The following DIAPH3 variants were observed in gnomAD, a reference collection of about 807,000 sequenced individuals.
The protein encoded by DIAPH3 is protein diaphanous homolog 3.
A neutral mutation model predicts 144.3 loss-of-function variants in DIAPH3; 117 were observed. That is an observed-to-expected ratio of 0.81 (90% CI 0.70 to 0.95). DIAPH3 has a LOEUF of 0.95. Among genes scored for constraint, DIAPH3 ranks in the 40% least tolerant of loss-of-function variants. DIAPH3 has a pLI of 0.00. For missense variants in DIAPH3, 1,421 were observed against 1,412.7 expected (o/e 1.01, Z -0.09); for synonymous variants, 519 against 488.9 (o/e 1.06, Z -0.81).
At chr13:59,780,545 T>G (rs560761247) in intron 25 of DIAPH3, among the ~76,000 whole-genome samples, 2 of 152,182 alleles carry the variant, frequency 1.3e-5, no homozygotes, top group Admixed American at 1.3e-4. Context: ...CTAGACTAAC[T>G]GCAAAAGTCA....
chr13:59,972,938 A>G (rs2050474365), intron 15 of DIAPH3, among the ~76,000 whole-genome samples: 1 of 152,330 alleles, frequency 6.6e-6, no homozygotes, highest in South Asian at 2.1e-4. Flanking sequence ...GCTTTGAACA[A>G]AAAGAAGGAT....
intron 17 of DIAPH3, among the ~76,000 whole-genome samples, chr13:59,939,293 C>A (rs2140370982): frequency 6.6e-6 from 1 of 152,220 alleles, no homozygotes; most frequent in East Asian, 1.9e-4. Flanking sequence ...TTCTCTTCTA[C>A]CTCTCACCCA....
intron 20 of DIAPH3, among the ~76,000 whole-genome samples, chr13:59,895,202 A>C (rs773106837): frequency 1.3e-5 from 2 of 152,156 alleles, no homozygotes; most frequent in Non-Finnish European, 1.5e-5. Flanking sequence ...CCTTGGACAA[A>C]TATAGTAAAT....
At position 59,756,409 on chromosome 13, in the gene DIAPH3, A is replaced by AAAGGAAGGAAGGAAGG. The variant is rs762777029; in HGVS notation, c.3319+17764_3319+17779dup. 2.7e-3 allele frequency among the ~76,000 whole-genome samples: 369 copies of AAAGGAAGGAAGGAAGG among 137,626 alleles called. 1 individual carries two copies. The highest frequency in any genetic ancestry group is 0.021 in the South Asian group (88 of 4,112). The allele number at this position is 137,626 out of a possible 152,430, so 90.3% of individuals were successfully genotyped here. On this transcript the variant is annotated intron_variant, in intron 27 of 27. Transcript: ENST00000400324. ...TAGATACATGTGGTAAATTTAGTAA[A>AAAGGAAGGAAGGAAGG]AAGGAAGGAAGGAAGGAAGGAAGGA...
intron 4 of DIAPH3, among the ~76,000 whole-genome samples, chr13:60,049,938 C>A (rs901770509): frequency 6.6e-6 from 1 of 152,196 alleles, no homozygotes; most frequent in African/African-American, 2.4e-5. Flanking sequence ...GCCTGTAATT[C>A]CGGCAACTTG....
intron 24 of DIAPH3, among the ~76,000 whole-genome samples, chr13:59,825,174 C>T (rs1345051626): frequency 2.0e-5 from 3 of 152,064 alleles, no homozygotes; most frequent in African/African-American, 2.4e-5. Context: ...TCTCCTAATG[C>T]TATCCCTCCC....
intron 20 of DIAPH3, among the ~76,000 whole-genome samples, chr13:59,887,089 GT>G (rs1593837628): frequency 6.6e-6 from 1 of 151,982 alleles, no homozygotes; most frequent in East Asian, 1.9e-4. Flanking sequence ...AGTTTGTTGA[GT>G]TTTTTCATAA....
intron 2 of DIAPH3, among the ~76,000 whole-genome samples, chr13:60,117,975 ATTTGCC>A (rs766358868): frequency 6.6e-6 from 1 of 152,170 alleles, no homozygotes; most frequent in Non-Finnish European, 1.5e-5. Context: ...TATACAAACA[ATTTGCC>A]TTTGTTGAAG....
At chr13:59,877,427 G>A (rs545114512) in intron 21 of DIAPH3, among the ~76,000 whole-genome samples, 7 of 152,046 alleles carry the variant, frequency 4.6e-5, no homozygotes, top group African/African-American at 1.4e-4. Flanking sequence ...CTAACCCAGC[G>A]CTGTCCAATA....
chr13:60,028,310 A>G (rs374997770), intron 5 of DIAPH3, among the ~76,000 whole-genome samples: 23 of 151,986 alleles, frequency 1.5e-4, no homozygotes, highest in African/African-American at 5.5e-4. Context: ...TTCTACCACC[A>G]AGACTCCAAA....
At chr13:60,145,427 C>A (rs1951462759) in intron 1 of DIAPH3, among the ~76,000 whole-genome samples, 1 of 152,158 alleles carries the variant, frequency 6.6e-6, no homozygotes, top group African/African-American at 2.4e-5. Context: ...GCGGGTGGAT[C>A]ACAAGGTCAG....
intron 27 of DIAPH3, among the ~76,000 whole-genome samples, chr13:59,716,807 G>A (rs189266809): frequency 3.9e-5 from 6 of 152,182 alleles, no homozygotes; most frequent in Admixed American, 3.9e-4. Context: ...CAATTACTGT[G>A]TTTAAAATAT....
At chr13:59,737,795 G>A (rs2453865) in intron 27 of DIAPH3, among the ~76,000 whole-genome samples, 112,457 of 152,058 alleles carry the variant, frequency 0.74, 41,913 homozygotes, top group East Asian at 0.88. Flanking sequence ...CTCATTCTAC[G>A]CAAACTCTTA....
chr13:59,951,952 T>C (rs912851549), intron 17 of DIAPH3, among the ~76,000 whole-genome samples: 2 of 152,158 alleles, frequency 1.3e-5, no homozygotes, highest in Admixed American at 6.6e-5. Context: ...TTCAAATACA[T>C]GTACACCAAT....
intron 27 of DIAPH3, among the ~76,000 whole-genome samples, chr13:59,671,604 C>T (rs903773191): frequency 2.3e-4 from 35 of 152,238 alleles, no homozygotes; most frequent in African/African-American, 8.4e-4. Flanking sequence ...AGGCAAAGAA[C>T]CAGCTGCTAT....
chr13:59,952,751 C>A (rs921466736), intron 17 of DIAPH3, among the ~76,000 whole-genome samples: 1 of 152,100 alleles, frequency 6.6e-6, no homozygotes, highest in Non-Finnish European at 1.5e-5. Flanking sequence ...TTTCTACTCC[C>A]CTTCCAAAAT....
intron 1 of DIAPH3, among the ~76,000 whole-genome samples, chr13:60,162,783 ACTCTCTCTCT>A (rs148955859): frequency 7.5e-6 from 1 of 132,872 alleles, no homozygotes; most frequent in African/African-American, 2.8e-5. Flanking sequence ...CAAATGCTGT[ACTCTCTCTCT>A]CTCTCTCTCT....
At chr13:59,689,454 C>G (rs2033393160) in intron 27 of DIAPH3, among the ~76,000 whole-genome samples, 1 of 152,060 alleles carries the variant, frequency 6.6e-6, no homozygotes, top group Non-Finnish European at 1.5e-5. Context: ...CATCAGCAAA[C>G]AGATGGCTCC....
At chr13:60,078,538 T>G (rs1047437738) in intron 4 of DIAPH3, among the ~76,000 whole-genome samples, 10 of 151,038 alleles carry the variant, frequency 6.6e-5, no homozygotes, top group African/African-American at 2.5e-4. Context: ...AATGGGTCAT[T>G]CAAAGTTAAA....
Sources: allele counts gnomAD v4.1 joint callset (sites outside exome capture counted in the v4.1 genomes callset), GRCh38; gene constraint gnomAD v4.1.1; transcripts MANE v1.5; gene names NCBI Gene and HGNC (gene_info 2026-07-23, HGNC 2026-07-21).